Variants in PTPRQ observed in about 807,000 individuals in gnomAD.
PTPRQ encodes the protein phosphatidylinositol phosphatase PTPRQ.
Under a neutral mutation model 246.0 loss-of-function variants are expected in PTPRQ, and 199 were observed. That is an observed-to-expected ratio of 0.81 (90% CI 0.72 to 0.91). PTPRQ has a LOEUF of 0.91. Among genes scored for constraint, PTPRQ ranks in the 40% least tolerant of loss-of-function variants. PTPRQ has a pLI of 0.00. For missense variants in PTPRQ, 2,624 were observed against 2,528.4 expected, an observed-to-expected ratio of 1.04 and a Z score of -0.81; for synonymous variants, 869 against 853.2, an observed-to-expected ratio of 1.02 and a Z score of -0.32.
chr12:80,514,402 A>ACACACACT (rs552667526), intron 17 of PTPRQ, among the ~76,000 whole-genome samples: 179 of 113,020 alleles, frequency 1.6e-3, no homozygotes, highest in Middle Eastern at 4.5e-3. Context: ...ACACACACAC[A>ACACACACT]CTCTCTCTCT....
In PTPRQ at chr12:80,534,067, T is replaced by C. The variant is rs1348864097; in HGVS notation, c.2731T>C (p.Ser911Pro). 1.3e-6 allele frequency: 2 copies of C among 1,535,144 alleles called. No individual in the cohort carries two copies. The highest frequency in any genetic ancestry group is 4.2e-5 in the Admixed American group (2 of 47,666). ...TGTCACTGAAACATCATTGGAGTTA[T>C]CAGATTTGGATTATAATGTTGAATA... Reference protein sequence around the residue: ...INVTETSLELSDLDYNVEYSA... With the variant: ...INVTETSLELPDLDYNVEYSA... The change falls in exon 18 of 45, where the codon TCA (serine) becomes CCA (proline). Residue 911 changes from serine (S) to proline (P), a missense_variant. Transcript: ENST00000644991.
chr12:80,485,579 T>C (rs182096481), intron 9 of PTPRQ, among the ~76,000 whole-genome samples: 1 of 152,310 alleles, frequency 6.6e-6, no homozygotes, highest in African/African-American at 2.4e-5. Context: ...CTCAATGCAT[T>C]CTGGCCACCC....
intron 22 of PTPRQ, 130 bp downstream of exon 22, chr12:80,542,494 C>T: frequency 7.3e-7 from 1 of 1,361,518 alleles, no homozygotes; most frequent in Non-Finnish European, 9.6e-7. Flanking sequence ...ATTATATTTA[C>T]TTTGTTGATT....
intron 25 of PTPRQ, among the ~76,000 whole-genome samples, chr12:80,553,349 T>C (rs1000790718): frequency 4.7e-5 from 7 of 147,920 alleles, no homozygotes; most frequent in African/African-American, 1.5e-4. Context: ...ATTTATTAGG[T>C]AATTGATTTT....
chr12:80,473,045 A>ACACACACG (rs1555185233), intron 8 of PTPRQ, among the ~76,000 whole-genome samples: 1 of 92,338 alleles, frequency 1.1e-5, no homozygotes, highest in African/African-American at 3.1e-5. Flanking sequence ...ACTCACACAC[A>ACACACACG]CGCACACACA....
rs1248782839 is a variant in PTPRQ, at chr12:80,506,470, T to A, written c.2456-99T>A. The A allele has an allele frequency of 2.6e-5, 26 of 1,014,010 alleles. No individual in the cohort carries two copies. In the East Asian group the frequency reaches 6.9e-4, roughly 27 times the overall value. The allele number at this position is 1,014,010 out of a possible 1,614,324, so 62.8% of individuals were successfully genotyped here. On this transcript the variant is annotated intron_variant, in intron 15 of 44. Coordinates refer to ENST00000644991, the MANE Select transcript of PTPRQ (RefSeq NM_001145026.2). Reference sequence around the variant, plus strand: ...ATGACATTTTCACTTAGTTTTTATTTTTGGAAGATTGTGTTGACAGCCATT... The same window carrying A: ...ATGACATTTTCACTTAGTTTTTATTATTGGAAGATTGTGTTGACAGCCATT...
At chr12:80,462,085 G>C (rs1421279995) in intron 6 of PTPRQ, 1 of 641,716 alleles carries the variant, frequency 1.6e-6, no homozygotes, top group Non-Finnish European at 2.8e-6. Context: ...GGGAGCACAA[G>C]GGGTCAGGGA....
intron 6 of PTPRQ, chr12:80,461,871 G>C (rs1893184647): frequency 6.7e-6 from 1 of 148,716 alleles, no homozygotes; most frequent in African/African-American, 2.5e-5. Flanking sequence ...ATAAAAAAAT[G>C]ATTTCGGGGG....
Position 80,534,872 on chromosome 12 carries a change from T to C in PTPRQ, c.2840-20T>C. On this transcript the variant is annotated intron_variant, in intron 18 of 44. Coordinates refer to ENST00000644991, the MANE Select transcript of PTPRQ (RefSeq NM_001145026.2). ...TTGTAAACACAAATACAGTAATTTG[T>C]TCAATTATTTGTTTTATAGCACCAA... is the stretch of plus-strand genomic sequence containing the variant. 1 of 1,543,314 alleles carries C rather than the reference T, an allele frequency of 6.5e-7. No homozygotes were observed. The highest frequency in any genetic ancestry group is 8.7e-7 in the Non-Finnish European group (1 of 1,144,024).
chr12:80,629,165 C>CAG (rs1345944802), intron 33 of PTPRQ, among the ~76,000 whole-genome samples: 8 of 151,014 alleles, frequency 5.3e-5, no homozygotes, highest in Non-Finnish European at 8.9e-5. Context: ...CACACACACA[C>CAG]ACACACACAG....
At chr12:80,541,901 T>C (rs1896165587) in intron 21 of PTPRQ, 56 bp downstream of exon 21, 2 of 1,477,276 alleles carry the variant, frequency 1.4e-6, no homozygotes, top group Non-Finnish European at 1.8e-6. Flanking sequence ...TTCATTTACA[T>C]TGCTTTCTGA....
intron 25 of PTPRQ, among the ~76,000 whole-genome samples, chr12:80,581,241 A>G (rs1326071031): frequency 3.3e-5 from 5 of 152,212 alleles, no homozygotes; most frequent in African/African-American, 7.2e-5. Context: ...AACTGGTAGT[A>G]GATCTAAAAA....
intron 6 of PTPRQ, chr12:80,462,056 C>T (rs11524045): frequency 0.19 from 129,403 of 696,076 alleles, 13,565 homozygotes; most frequent in Non-Finnish European, 0.22. Context: ...CGAAGCAGGG[C>T]GAGGCATTGC....
At chr12:80,568,428 T>A (rs1366641568) in intron 25 of PTPRQ, among the ~76,000 whole-genome samples, 7 of 152,212 alleles carry the variant, frequency 4.6e-5, no homozygotes, top group Admixed American at 4.6e-4. Flanking sequence ...AAGAGTTCTC[T>A]TGGTGTGAAA....
chr12:80,670,227 TGG>T, intron 41 of PTPRQ, 115 bp from the exon 42 acceptor site: 1 of 1,389,934 alleles, frequency 7.2e-7, no homozygotes, highest in Non-Finnish European at 9.7e-7. Flanking sequence ...ACATTTTATT[TGG>T]TTTGGTAAAT....
chr12:80,494,032 G>A (rs1894532692), intron 10 of PTPRQ, among the ~76,000 whole-genome samples: 2 of 151,954 alleles, frequency 1.3e-5, no homozygotes, highest in African/African-American at 4.8e-5. Flanking sequence ...TTTCTAAAAT[G>A]TTAAATGAGA....
chr12:80,506,710 A>G (rs1469760851), intron 16 of PTPRQ, 40 bp downstream of exon 16: 2 of 1,510,290 alleles, frequency 1.3e-6, no homozygotes, highest in African/African-American at 1.4e-5. Flanking sequence ...TTGATTCTAT[A>G]ACATTCCAAG....
chr12:80,670,365 C>A lies in PTPRQ; in HGVS notation c.6475C>A (p.Arg2159=). ...IERHGDCMTV[R]QCNFTAWPEH... is the part of the protein sequence containing the mutation. ...CTAGCATGGGGATTGCATGACTGTT[C>A]GACAGTGTAACTTTACTGCCTGGCC... Residue 2159 remains arginine, a synonymous_variant, in exon 42 of 45, where the codon CGA becomes AGA. Transcript: ENST00000644991. 1 of 1,550,680 alleles carries A rather than the reference C, an allele frequency of 6.4e-7. No homozygotes were observed. The highest frequency in any genetic ancestry group is 8.7e-7 in the Non-Finnish European group (1 of 1,146,418).
chr12:80,645,719 G>A (rs1900048426), intron 35 of PTPRQ, among the ~76,000 whole-genome samples: 2 of 151,882 alleles, frequency 1.3e-5, no homozygotes, highest in Non-Finnish European at 2.9e-5. Context: ...GAGTAAGATC[G>A]ATAGGGTTGT....
Sources: gnomAD v4.1 joint callset for allele counts (sites outside exome capture counted in the v4.1 genomes callset) on GRCh38, gnomAD v4.1.1 for gene constraint, MANE v1.5 for transcripts, NCBI Gene and HGNC (gene_info 2026-07-23, HGNC 2026-07-21) for gene names.